SLC39A10: variants seen among roughly 807,000 people sequenced by gnomAD.
SLC39A10 encodes solute carrier family 39 member 10, also known as zinc transporter ZIP10.
Under a neutral mutation model 65.1 loss-of-function variants are expected in SLC39A10, and 13 were observed. The observed-to-expected ratio is 0.20, with a 90% CI of 0.13 to 0.32. The LOEUF (loss-of-function observed/expected upper bound fraction) is 0.32, where lower values mean the gene tolerates loss of function less well. SLC39A10 is among the 10% of genes least tolerant of loss of function. The pLI, the probability that SLC39A10 is intolerant of heterozygous loss-of-function variation, is 1.00. For missense variants in SLC39A10, 831 were observed against 1,018.4 expected (o/e 0.82, Z 2.50); for synonymous variants, 321 against 342.2 (o/e 0.94, Z 0.68).
intron 6 of SLC39A10, among the ~76,000 whole-genome samples, chr2:195,716,196 A>T (rs1013624224): frequency 1.3e-4 from 20 of 152,190 alleles, no homozygotes; most frequent in Admixed American, 2.0e-4. Flanking sequence ...AGCTACAGTT[A>T]ATAAAGTTCT....
intron 2 of SLC39A10, among the ~76,000 whole-genome samples, chr2:195,618,047 A>G (rs1688264273): frequency 1.0e-5 from 1 of 95,934 alleles, no homozygotes; most frequent in Admixed American, 1.2e-4. Flanking sequence ...CCTTGTCTCT[A>G]TTTTAAAAAG....
intron 2 of SLC39A10, among the ~76,000 whole-genome samples, chr2:195,648,259 C>CT (rs1559014571): frequency 6.6e-6 from 1 of 152,160 alleles, no homozygotes; most frequent in East Asian, 1.9e-4. Context: ...TGGCCTCCGC[C>CT]TATGCTGGAA....
chr2:195,616,343 T>G (rs1688207471), intron 2 of SLC39A10, among the ~76,000 whole-genome samples: 1 of 152,098 alleles, frequency 6.6e-6, no homozygotes, highest in South Asian at 2.1e-4. Context: ...AGTCTCACTC[T>G]GTCACCAGGC....
rs1559057139 is a variant in SLC39A10, at chr2:195,737,112, T to TATCTATC, written c.*2075_*2076insATCATCT. ...TTTTATATTCTCTCAAAAATGGTAT[T>TATCTATC]ATCTTTCTTTATTTGCTAGATTCTT... On this transcript the variant is annotated 3_prime_UTR_variant, in exon 10 of 10. Transcript: ENST00000359634. 6.8e-6 allele frequency: 1 copy of TATCTATC among 147,420 alleles called. No homozygotes were observed. The highest frequency in any genetic ancestry group is 3.4e-4 in the East Asian group (1 of 2,966). 9.1% of individuals were successfully genotyped at this position (147,420 alleles called of 1,614,324 possible). A position where few individuals can be genotyped will look rare whatever the true frequency, so the allele number is the denominator to read the frequency against.
intron 6 of SLC39A10, among the ~76,000 whole-genome samples, chr2:195,716,394 C>T (rs972433265): frequency 2.0e-5 from 3 of 152,086 alleles, no homozygotes; most frequent in Non-Finnish European, 2.9e-5. Context: ...TTTTAAATCT[C>T]CCCCCAAACC....
intron 3 of SLC39A10, among the ~76,000 whole-genome samples, chr2:195,705,286 T>C (rs898132397): frequency 7.2e-5 from 11 of 152,176 alleles, no homozygotes; most frequent in South Asian, 4.1e-4. Flanking sequence ...TTGAATCTTA[T>C]TTTGCCTCTT....
intron 6 of SLC39A10, among the ~76,000 whole-genome samples, chr2:195,714,646 G>GA (rs1252850000): frequency 5.9e-5 from 9 of 152,094 alleles, no homozygotes; most frequent in Non-Finnish European, 8.8e-5. Context: ...CATAAAAGGG[G>GA]AAAAAACAAC....
At chr2:195,682,562 G>T (rs574926944) in intron 2 of SLC39A10, among the ~76,000 whole-genome samples, 1 of 152,180 alleles carries the variant, frequency 6.6e-6, no homozygotes, top group Admixed American at 6.5e-5. Flanking sequence ...AAAGTGCTGG[G>T]ATTACAGTGC....
intron 6 of SLC39A10, among the ~76,000 whole-genome samples, chr2:195,715,793 G>A (rs1691786040): frequency 6.6e-6 from 1 of 152,148 alleles, no homozygotes; most frequent in Non-Finnish European, 1.5e-5. Flanking sequence ...TATTTGTGTG[G>A]CTGGTAGGCA....
intron 2 of SLC39A10, among the ~76,000 whole-genome samples, chr2:195,625,911 A>C (rs1178199149): frequency 6.6e-6 from 1 of 152,144 alleles, no homozygotes; most frequent in Non-Finnish European, 1.5e-5. Context: ...TAGCCTCCTG[A>C]ATAGCTGGGA....
chr2:195,678,954 T>C (rs995943095), intron 1 of SLC39A10, among the ~76,000 whole-genome samples: 1 of 152,230 alleles, frequency 6.6e-6, no homozygotes. Flanking sequence ...TCTTATTATA[T>C]TTCTAGATTC....
At chr2:195,679,662 A>G (rs897710683) in intron 1 of SLC39A10, among the ~76,000 whole-genome samples, 3 of 152,056 alleles carry the variant, frequency 2.0e-5, no homozygotes, top group South Asian at 4.1e-4. Flanking sequence ...TCTCTTTTCT[A>G]TGTAAAGTTC....
At position 195,625,222 on chromosome 2, in the gene SLC39A10, A is replaced by AG. The variant is rs1553491764; in HGVS notation, c.-12+18989_-12+18990insG. On this transcript the variant is annotated intron_variant, in intron 2 of 2. Coordinates refer to the SLC39A10 transcript ENST00000458054. ...ACAGAGGGACACTCTGTCTCAAAAA[A>AG]AAAGAAAGAAAGAAAGAAAGAAAGA... Among the ~76,000 whole-genome samples the AG allele has an allele frequency of 2.1e-3, 230 of 112,106 alleles. 18 individuals are homozygous for AG. The East Asian group carries it at 0.058, about 28-fold the overall frequency. The allele number at this position is 112,106 out of a possible 152,430, so 73.5% of individuals were successfully genotyped here.
At chr2:195,640,193 G>T (rs1373717378) in intron 2 of SLC39A10, among the ~76,000 whole-genome samples, 2 of 152,118 alleles carry the variant, frequency 1.3e-5, no homozygotes, top group Non-Finnish European at 2.9e-5. Flanking sequence ...TGTTGAAGAA[G>T]TGGAAGCACA....
At position 195,735,733 on chromosome 2, in the gene SLC39A10, T is replaced by C. The variant is rs2105856251; in HGVS notation, c.*692T>C. 6.6e-6 allele frequency: 1 copy of C among 152,668 alleles called. No individual in the cohort carries two copies. The highest frequency in any genetic ancestry group is 1.9e-4 in the East Asian group (1 of 5,190). 9.5% of individuals were successfully genotyped at this position (152,668 alleles called of 1,614,324 possible). On this transcript the variant is annotated 3_prime_UTR_variant, in exon 10 of 10. Transcript: ENST00000359634. Reference sequence around the variant, plus strand: ...CAGTTTAATGAAAGATTCATAATGGTTCTTTGTATTATTATAATACTTGGT... The same window carrying C: ...CAGTTTAATGAAAGATTCATAATGGCTCTTTGTATTATTATAATACTTGGT...
chr2:195,629,428 C>T (rs1688539744), intron 2 of SLC39A10, among the ~76,000 whole-genome samples: 1 of 151,300 alleles, frequency 6.6e-6, no homozygotes, highest in Non-Finnish European at 1.5e-5. Context: ...CCTTGACCTT[C>T]AACCCACCCC....
At chr2:195,670,752 C>T (rs1372573902) in intron 1 of SLC39A10, among the ~76,000 whole-genome samples, 1 of 152,054 alleles carries the variant, frequency 6.6e-6, no homozygotes, top group Non-Finnish European at 1.5e-5. Flanking sequence ...TACATGGAAA[C>T]TCTGAACTAA....
intron 2 of SLC39A10, among the ~76,000 whole-genome samples, chr2:195,640,808 A>G (rs1281295585): frequency 6.6e-6 from 1 of 152,232 alleles, no homozygotes; most frequent in Non-Finnish European, 1.5e-5. Flanking sequence ...ATGAAGTTTT[A>G]AAATTTAACT....
At chr2:195,724,205 T>C (rs1348236491) in intron 8 of SLC39A10, among the ~76,000 whole-genome samples, 4 of 152,188 alleles carry the variant, frequency 2.6e-5, no homozygotes, top group Non-Finnish European at 4.4e-5. Context: ...ATCTGTAGCA[T>C]TGGATCTCAT....
Sources: gnomAD v4.1 joint callset for allele counts (sites outside exome capture counted in the v4.1 genomes callset) on GRCh38, gnomAD v4.1.1 for gene constraint, MANE v1.5 for transcripts, NCBI Gene and HGNC (gene_info 2026-07-23, HGNC 2026-07-21) for gene names.